CTPS1: variants seen among roughly 807,000 people sequenced by gnomAD.
The protein encoded by CTPS1 is CTP synthase 1.
A neutral mutation model predicts 80.5 loss-of-function variants in CTPS1; 25 were observed. The ratio of observed to expected loss-of-function variants is 0.31; its 90% CI spans 0.23 to 0.43. The LOEUF is 0.43. CTPS1 is among the 20% of genes least tolerant of loss of function. The pLI is 1.00. For missense variants in CTPS1, 442 were observed against 725.7 expected, an observed-to-expected ratio of 0.61 and a Z score of 4.49; for synonymous variants, 267 against 252.5, an observed-to-expected ratio of 1.06 and a Z score of -0.54.
intron 7 of CTPS1, among the ~76,000 whole-genome samples, chr1:40,992,047 G>A (rs1267677107): frequency 2.0e-5 from 3 of 152,172 alleles, no homozygotes; most frequent in East Asian, 1.9e-4. Context: ...TCCGTGCCTC[G>A]TTGTACTTTG....
intron 7 of CTPS1, among the ~76,000 whole-genome samples, chr1:40,993,960 G>A (rs1642685738): frequency 6.6e-6 from 1 of 151,708 alleles, no homozygotes; most frequent in Admixed American, 6.6e-5. Context: ...TGTATTTTTA[G>A]TAGAGACGGG....
intron 1 of CTPS1, among the ~76,000 whole-genome samples, chr1:40,982,324 CTCTT>C (rs1449495259): frequency 1.3e-5 from 2 of 152,156 alleles, no homozygotes; most frequent in Non-Finnish European, 2.9e-5. Flanking sequence ...TTTACAGTCT[CTCTT>C]CATTGCATGC....
intron 1 of CTPS1, chr1:40,982,135 C>T: frequency 2.1e-6 from 1 of 465,718 alleles, no homozygotes; most frequent in Non-Finnish European, 3.6e-6. Flanking sequence ...GGTCTCCTCA[C>T]CTCTTGTCGA....
At chr1:40,979,998 G>C (rs998745445) in intron 1 of CTPS1, 169 bp downstream of exon 1, 2 of 151,708 alleles carry the variant, frequency 1.3e-5, no homozygotes, top group Non-Finnish European at 2.9e-5. Context: ...TGTGCCTAAC[G>C]GGAGTGGGGC....
At chr1:40,980,206 C>G (rs867129068) in intron 1 of CTPS1, 4 of 151,870 alleles carry the variant, frequency 2.6e-5, no homozygotes, top group African/African-American at 4.8e-5. Flanking sequence ...GCGCCCCCCC[C>G]CACACCCTCC....
intron 10 of CTPS1, 66 bp downstream of exon 10, chr1:41,001,183 T>G: frequency 8.4e-7 from 1 of 1,186,458 alleles, no homozygotes; most frequent in Non-Finnish European, 1.2e-6. Context: ...AAAAGTCCTC[T>G]TGTTTTCATG....
At chr1:41,006,228 C>A in intron 13 of CTPS1, 134 bp downstream of exon 13, 1 of 675,004 alleles carries the variant, frequency 1.5e-6, no homozygotes, top group Non-Finnish European at 2.6e-6. Context: ...TTTGGGCACT[C>A]AGACCTACCA....
chr1:40,982,868 T>C (rs1377362951), intron 1 of CTPS1, among the ~76,000 whole-genome samples: 1 of 152,242 alleles, frequency 6.6e-6, no homozygotes, highest in Non-Finnish European at 1.5e-5. Flanking sequence ...TTATCCAAGT[T>C]TGAATTTTTT....
intron 5 of CTPS1, 151 bp downstream of exon 5, chr1:40,988,861 A>G: frequency 1.6e-6 from 1 of 616,398 alleles, no homozygotes; most frequent in South Asian, 2.0e-5. Flanking sequence ...ATTTGTTACA[A>G]TCATACTTTT....
chr1:41,001,449 C>G (rs1642902437), intron 10 of CTPS1: 6 of 271,208 alleles, frequency 2.2e-5, no homozygotes, highest in South Asian at 2.2e-4. Context: ...AATAGTAAAA[C>G]ATTAGCAAGA....
chr1:40,996,140 A>G, intron 8 of CTPS1, 72 bp downstream of exon 8: 1 of 1,553,652 alleles, frequency 6.4e-7, no homozygotes, highest in South Asian at 1.1e-5. Flanking sequence ...AGCCGACTCT[A>G]GCCCTAGCAC....
chr1:40,981,340 T>G (rs1373189729), intron 1 of CTPS1: 2 of 152,114 alleles, frequency 1.3e-5, no homozygotes, highest in Non-Finnish European at 1.5e-5. Context: ...AGAGAGAAAC[T>G]AAAGAACGTA....
At chr1:40,985,498 C>T (rs529936896) in intron 3 of CTPS1, among the ~76,000 whole-genome samples, 10 of 152,248 alleles carry the variant, frequency 6.6e-5, no homozygotes, top group South Asian at 2.1e-4. Context: ...GGCACAGCTT[C>T]GCTTACATCT....
At chr1:40,990,472 T>C (rs1642574872) in intron 5 of CTPS1, among the ~76,000 whole-genome samples, 1 of 152,094 alleles carries the variant, frequency 6.6e-6, no homozygotes, top group South Asian at 2.1e-4. Context: ...CTAAAAGACA[T>C]TGATGCTATT....
Position 40,979,852 on chromosome 1 carries a change from G to T in CTPS1, c.-14+23G>T, listed in dbSNP as rs1383016158. The T allele has an allele frequency of 2.0e-5, 3 of 152,162 alleles. No homozygotes were observed. In the East Asian group the frequency reaches 5.8e-4, roughly 29 times the overall value. 9.4% of individuals were successfully genotyped at this position (152,162 alleles called of 1,614,324 possible). A position where few individuals can be genotyped will look rare whatever the true frequency, so the allele number is the denominator to read the frequency against. ...CAGGTAGGCTGACTCCAGGGATCCC[G>T]GGGGGGATCTGTTCTCCCGCGCAGG... On this transcript the variant is annotated intron_variant, in intron 1 of 18. Coordinates refer to ENST00000650070, the MANE Select transcript of CTPS1 (RefSeq NM_001905.4).
chr1:40,991,531 G>C (rs769421041), intron 6 of CTPS1, among the ~76,000 whole-genome samples: 5 of 152,072 alleles, frequency 3.3e-5, no homozygotes, highest in Non-Finnish European at 5.9e-5. Flanking sequence ...AGCTCTTGTA[G>C]TTCATTAATG....
In CTPS1 at chr1:41,007,320, A is replaced by C; in HGVS notation, c.1297-129A>C. ...GGGAGGCATTTTCTTCTGTGACAAA[A>C]TGTCTCATAAGGAAAGCCTGGAGAA... On this transcript the variant is annotated intron_variant, in intron 13 of 18. Coordinates refer to ENST00000650070, the MANE Select transcript of CTPS1 (RefSeq NM_001905.4). This position sits in a 1 kb window ranked among gnomAD's most constrained non-coding sequence, Gnocchi z 4.4. 1.3e-6 allele frequency: 1 copy of C among 753,116 alleles called. No homozygotes were observed. The highest frequency in any genetic ancestry group is 2.7e-5 in the East Asian group (1 of 37,186). 46.7% of individuals were successfully genotyped at this position (753,116 alleles called of 1,614,324 possible).
chr1:40,982,851 G>A (rs1358315556), intron 1 of CTPS1, among the ~76,000 whole-genome samples: 1 of 152,208 alleles, frequency 6.6e-6, no homozygotes, highest in Admixed American at 6.5e-5. Context: ...CTGGAGAACT[G>A]GAGTACTTAT....
chr1:41,010,369 G>C, intron 18 of CTPS1, 115 bp downstream of exon 18: 1 of 703,244 alleles, frequency 1.4e-6, no homozygotes, highest in Non-Finnish European at 2.5e-6. Context: ...AATGAAAGTG[G>C]TGAGGTCTTG....
Sources: gnomAD v4.1 joint callset for allele counts (sites outside exome capture counted in the v4.1 genomes callset) on GRCh38, gnomAD v4.1.1 for gene constraint, Gnocchi (gnomAD v3.1) non-coding constraint, MANE v1.5 for transcripts, NCBI Gene and HGNC (gene_info 2026-07-23, HGNC 2026-07-21) for gene names.